TEX9: variants seen among roughly 807,000 people sequenced by gnomAD.
TEX9 encodes the protein testis-expressed protein 9.
A neutral mutation model predicts 59.6 loss-of-function variants in TEX9; 74 were observed. That is an observed-to-expected ratio of 1.24 (90% CI 1.03 to 1.51). The LOEUF (loss-of-function observed/expected upper bound fraction) is 1.51, where lower values mean the gene tolerates loss of function less well. Ranked by LOEUF, TEX9 falls within the 40% of genes most tolerant of loss-of-function variation. The pLI is 0.00. For missense variants in TEX9, 522 were observed against 447.8 expected (o/e 1.17, Z -1.49); for synonymous variants, 186 against 152.2 (o/e 1.22, Z -1.64).
intron 1 of TEX9, among the ~76,000 whole-genome samples, chr15:56,265,902 C>T (rs1258910668): frequency 6.6e-6 from 1 of 152,080 alleles, no homozygotes; most frequent in Non-Finnish European, 1.5e-5. Flanking sequence ...TTCATTCCTA[C>T]TGCTTTATTG....
At chr15:56,412,710 T>C (rs2049421930) in intron 10 of TEX9, among the ~76,000 whole-genome samples, 1 of 152,194 alleles carries the variant, frequency 6.6e-6, no homozygotes, top group South Asian at 2.1e-4. Context: ...CAGACACTTT[T>C]CTAAGCTCTT....
At chr15:56,430,779 G>A (rs2050568234) in intron 12 of TEX9, among the ~76,000 whole-genome samples, 1 of 152,122 alleles carries the variant, frequency 6.6e-6, no homozygotes, top group African/African-American at 2.4e-5. Flanking sequence ...CAGTGACAAT[G>A]TTTTCATACA....
intron 1 of TEX9, among the ~76,000 whole-genome samples, chr15:56,300,081 C>G (rs1261786540): frequency 1.3e-5 from 2 of 152,260 alleles, no homozygotes; most frequent in Non-Finnish European, 2.9e-5. Flanking sequence ...GTCCCCAGTT[C>G]CAGTCCTTCA....
chr15:56,406,714 T>C (rs2049098507), intron 9 of TEX9, among the ~76,000 whole-genome samples: 1 of 152,180 alleles, frequency 6.6e-6, no homozygotes, highest in Non-Finnish European at 1.5e-5. Context: ...TGAACATCTT[T>C]TCATGTGTTT....
chr15:56,334,691 A>C (rs1486278692), intron 1 of TEX9, among the ~76,000 whole-genome samples: 1 of 152,184 alleles, frequency 6.6e-6, no homozygotes, highest in Non-Finnish European at 1.5e-5. Flanking sequence ...ACAACAAAGG[A>C]AACAATCCAC....
intron 1 of TEX9, among the ~76,000 whole-genome samples, chr15:56,306,408 A>C (rs1393489818): frequency 6.6e-6 from 1 of 152,192 alleles, no homozygotes; most frequent in Non-Finnish European, 1.5e-5. Context: ...ACCTATACAC[A>C]ATGGAATACT....
chr15:56,356,077 C>T (rs746105102), intron 1 of TEX9, among the ~76,000 whole-genome samples: 1 of 152,042 alleles, frequency 6.6e-6, no homozygotes, highest in Admixed American at 6.6e-5. Flanking sequence ...ATGATGTCAT[C>T]TATGAACAAA....
intron 3 of TEX9, among the ~76,000 whole-genome samples, chr15:56,382,175 G>A (rs900183484): frequency 3.3e-5 from 5 of 152,186 alleles, no homozygotes; most frequent in Non-Finnish European, 5.9e-5. Flanking sequence ...CCAGGCCACT[G>A]CTAGTGTTCA....
chr15:56,426,640 C>CAA (rs1230956321), intron 10 of TEX9, among the ~76,000 whole-genome samples: 141 of 52,970 alleles, frequency 2.7e-3, no homozygotes, highest in East Asian at 9.2e-3. Flanking sequence ...CACACACAAA[C>CAA]ACACACACAC....
intron 12 of TEX9, among the ~76,000 whole-genome samples, chr15:56,439,446 TA>T (rs35812910): frequency 0.91 from 137,828 of 151,656 alleles, 63,397 homozygotes; most frequent in Non-Finnish European, 0.98. Context: ...CTAGAATAGC[TA>T]AAAAAAAAAT....
chr15:56,274,119 G>A (rs1293975616), intron 1 of TEX9, among the ~76,000 whole-genome samples: 1 of 152,044 alleles, frequency 6.6e-6, no homozygotes, highest in Admixed American at 6.6e-5. Context: ...TCTACATAGG[G>A]TAGACCGTTT....
intron 1 of TEX9, among the ~76,000 whole-genome samples, chr15:56,279,401 T>G (rs1410528104): frequency 6.6e-6 from 1 of 152,200 alleles, no homozygotes; most frequent in African/African-American, 2.4e-5. Context: ...GTCAAAGATT[T>G]CTTAACTCAT....
rs147141602 is a variant in TEX9, at chr15:56,283,792, A to G, written c.-107+39514A>G. ...CCATAGTTAAAATTAAGAGACAAAC[A>G]TAAACCTGGAAGAAAAAAAAATCAC... On this transcript the variant is annotated intron_variant, in intron 1 of 5. Transcript: ENST00000560827. 1.9e-3 allele frequency among the ~76,000 whole-genome samples: 285 copies of G among 152,322 alleles called. 1 individual carries two copies. Among genetic ancestry groups the G allele is most frequent in the Non-Finnish European group, 2.5e-3 (173 of 68,024 alleles).
chr15:56,277,423 A>G (rs2044699509), intron 1 of TEX9, among the ~76,000 whole-genome samples: 2 of 152,204 alleles, frequency 1.3e-5, no homozygotes, highest in South Asian at 2.1e-4. Context: ...CCATTTATTA[A>G]GTAGGAAATC....
chr15:56,252,071 A>C (rs1352493883), intron 1 of TEX9, among the ~76,000 whole-genome samples: 1 of 152,102 alleles, frequency 6.6e-6, no homozygotes, highest in African/African-American at 2.4e-5. Flanking sequence ...CAAGAATTGC[A>C]TCCTCTCAGC....
At chr15:56,264,258 TTTG>T (rs2044330872) in intron 1 of TEX9, among the ~76,000 whole-genome samples, 1 of 152,252 alleles carries the variant, frequency 6.6e-6, no homozygotes, top group Non-Finnish European at 1.5e-5. Flanking sequence ...TGTCAAGTTT[TTTG>T]TTTGCCATTC....
chr15:56,251,540 T>A (rs1291575537), intron 1 of TEX9, among the ~76,000 whole-genome samples: 2 of 152,050 alleles, frequency 1.3e-5, no homozygotes, highest in Admixed American at 1.3e-4. Context: ...AGTATGAATA[T>A]GATAAGGAGA....
intron 7 of TEX9, 142 bp from the exon 8 acceptor site, chr15:56,394,023 C>T (rs2048337611): frequency 3.2e-6 from 2 of 618,246 alleles, no homozygotes; most frequent in Non-Finnish European, 2.8e-6. Context: ...CTGTTGAGTA[C>T]CTATAGTGCC....
intron 1 of TEX9, among the ~76,000 whole-genome samples, chr15:56,318,174 A>G (rs1338357348): frequency 6.6e-6 from 1 of 152,024 alleles, no homozygotes; most frequent in Admixed American, 6.6e-5. Context: ...GTGCATATAT[A>G]TTTGTAATTG....
Sources: allele counts gnomAD v4.1 joint callset (sites outside exome capture counted in the v4.1 genomes callset), GRCh38; gene constraint gnomAD v4.1.1; transcripts MANE v1.5; gene names NCBI Gene and HGNC (gene_info 2026-07-23, HGNC 2026-07-21).